ABCB1: variants seen among roughly 807,000 people sequenced by gnomAD.
The protein encoded by ABCB1 is ATP binding cassette subfamily B member 1.
Under a neutral mutation model 142.0 loss-of-function variants are expected in ABCB1, and 69 were observed. The ratio of observed to expected loss-of-function variants is 0.49; its 90% CI spans 0.40 to 0.59. The LOEUF is 0.59. Among genes scored for constraint, ABCB1 ranks in the 20% least tolerant of loss-of-function variants. ABCB1 has a pLI of 0.00. For synonymous variants in ABCB1, 532 were observed against 539.2 expected (o/e 0.99, Z 0.18); for missense variants, 1,326 against 1,554.7 (o/e 0.85, Z 2.47).
intron 5 of ABCB1, 67 bp from the exon 6 acceptor site, chr7:87,567,043 C>T: frequency 6.9e-7 from 1 of 1,452,566 alleles, no homozygotes; most frequent in South Asian, 1.1e-5. Flanking sequence ...TCCAAAGAGA[C>T]CACTCATTCC....
At chr7:87,587,747 C>A (rs1035905514) in intron 3 of ABCB1, among the ~76,000 whole-genome samples, 2 of 151,678 alleles carry the variant, frequency 1.3e-5, no homozygotes, top group South Asian at 4.2e-4. Context: ...TGGTGGCAGG[C>A]GCCTGTAATC....
intron 15 of ABCB1, among the ~76,000 whole-genome samples, chr7:87,545,441 T>C: frequency 6.6e-6 from 1 of 152,388 alleles, no homozygotes; most frequent in South Asian, 2.1e-4. Flanking sequence ...TTATTTCACC[T>C]AATATATCCA....
chr7:87,641,681 A>G (rs1410318171), intron 1 of ABCB1, among the ~76,000 whole-genome samples: 2 of 152,214 alleles, frequency 1.3e-5, no homozygotes, highest in Non-Finnish European at 2.9e-5. Context: ...ATATTCAAAA[A>G]CAAATCCTCC....
At chr7:87,519,815 A>G (rs978067724) in intron 22 of ABCB1, among the ~76,000 whole-genome samples, 26 of 152,206 alleles carry the variant, frequency 1.7e-4, no homozygotes, top group African/African-American at 5.1e-4. Flanking sequence ...GAAGTACTCT[A>G]CGTAAATATT....
At chr7:87,524,170 A>C (rs1815670252) in intron 21 of ABCB1, among the ~76,000 whole-genome samples, 1 of 152,166 alleles carries the variant, frequency 6.6e-6, no homozygotes, top group African/African-American at 2.4e-5. Context: ...AGTAAAAAAA[A>C]AAATTAGTAA....
intron 24 of ABCB1, 38 bp downstream of exon 24, chr7:87,516,471 G>A: frequency 6.2e-7 from 1 of 1,613,130 alleles, no homozygotes; most frequent in Non-Finnish European, 8.5e-7. Flanking sequence ...TCATTCAGGA[G>A]TCAGGAGTAG....
intron 1 of ABCB1, among the ~76,000 whole-genome samples, chr7:87,703,916 T>TTTTTTTTTTTTGGG (rs1829357433): frequency 4.0e-5 from 1 of 24,888 alleles, no homozygotes; most frequent in African/African-American, 1.5e-4. Context: ...TTTTTTTGGT[T>TTTTTTTTTTTTGGG]TTTTTTTTTT....
At chr7:87,654,620 T>C (rs1327038226) in intron 1 of ABCB1, among the ~76,000 whole-genome samples, 2 of 151,970 alleles carry the variant, frequency 1.3e-5, no homozygotes, top group African/African-American at 4.8e-5. Context: ...AACTGTAAAA[T>C]TACTAGAAGA....
intron 16 of ABCB1, among the ~76,000 whole-genome samples, 183 bp downstream of exon 16, chr7:87,544,640 T>C (rs1448946631): frequency 4.6e-5 from 7 of 152,206 alleles, no homozygotes; most frequent in Admixed American, 4.6e-4. Flanking sequence ...ATTCTAAAAA[T>C]TCTGCTGTGT....
At chr7:87,539,126 A>G (rs925274549) in intron 19 of ABCB1, 142 bp downstream of exon 19, 8 of 893,772 alleles carry the variant, frequency 9.0e-6, no homozygotes, top group Non-Finnish European at 1.3e-5. Flanking sequence ...GGGCGGTTCA[A>G]CCGCATCTCT....
chr7:87,653,989 A>G (rs943595983), intron 1 of ABCB1, among the ~76,000 whole-genome samples: 1 of 152,064 alleles, frequency 6.6e-6, no homozygotes, highest in Non-Finnish European at 1.5e-5. Flanking sequence ...TATAGCTTAT[A>G]TTTTATTTCT....
At chr7:87,579,787 C>G (rs1818431017) in intron 4 of ABCB1, among the ~76,000 whole-genome samples, 1 of 151,944 alleles carries the variant, frequency 6.6e-6, no homozygotes, top group Admixed American at 6.6e-5. Context: ...GTTTTAATGT[C>G]TTGCTTTTAA....
intron 4 of ABCB1, among the ~76,000 whole-genome samples, chr7:87,575,937 T>G (rs1404130304): frequency 2.0e-5 from 3 of 152,084 alleles, no homozygotes; most frequent in Non-Finnish European, 4.4e-5. Flanking sequence ...GACTAAAAAG[T>G]AGGATTCCTG....
intron 21 of ABCB1, among the ~76,000 whole-genome samples, chr7:87,525,601 A>G (rs190728851): frequency 7.2e-5 from 11 of 152,342 alleles, no homozygotes; most frequent in Non-Finnish European, 1.6e-4. Context: ...AAATGTTATT[A>G]AGAAAATCAC....
At chr7:87,591,869 T>G (rs1010468313) in intron 3 of ABCB1, among the ~76,000 whole-genome samples, 3 of 152,164 alleles carry the variant, frequency 2.0e-5, no homozygotes, top group Non-Finnish European at 4.4e-5. Context: ...ACTCCTGTGA[T>G]AAGGGGTTGA....
chr7:87,550,956 A>G, intron 9 of ABCB1, 118 bp from the exon 10 acceptor site: 1 of 701,162 alleles, frequency 1.4e-6, no homozygotes, highest in Admixed American at 2.1e-5. Flanking sequence ...GAGGCAACAT[A>G]TAAATACTAG....
intron 1 of ABCB1, among the ~76,000 whole-genome samples, chr7:87,694,923 C>A (rs928410307): frequency 1.3e-5 from 2 of 152,106 alleles, no homozygotes; most frequent in Admixed American, 6.5e-5. Context: ...TAGACACATA[C>A]TTTAGATATT....
Position 87,549,422 on chromosome 7 carries a change from T to C in ABCB1, c.1651A>G (p.Ile551Val), listed in dbSNP as rs1816946886. 2 of 1,614,186 alleles carry C rather than the reference T, an allele frequency of 1.2e-6. No homozygotes were observed. Among genetic ancestry groups the C allele is most frequent in the East Asian group, 2.2e-5 (1 of 44,876 alleles). ...IARALVRNPK[I>V]LLLDEATSAL... ...GACGTGGCCTCATCCAGCAGGAGGA[T>C]CTTGGGGTTGCGAACCAGGGCACGT... Residue 551 changes from isoleucine to valine, a missense_variant, in exon 14 of 28, where the codon ATC (isoleucine) becomes GTC (valine). Coordinates refer to ENST00000622132, the MANE Select transcript of ABCB1 (RefSeq NM_001348946.2).
chr7:87,609,078 A>T (rs1178359427), intron 1 of ABCB1, among the ~76,000 whole-genome samples: 1 of 152,176 alleles, frequency 6.6e-6, no homozygotes, highest in Non-Finnish European at 1.5e-5. Flanking sequence ...AGGCAGATAG[A>T]TAACAACACA....
Sources: allele counts gnomAD v4.1 joint callset (sites outside exome capture counted in the v4.1 genomes callset), GRCh38; gene constraint gnomAD v4.1.1; transcripts MANE v1.5; gene names NCBI Gene and HGNC (gene_info 2026-07-23, HGNC 2026-07-21).